TAS2R60: variants seen among roughly 807,000 people sequenced by gnomAD.
The protein encoded by TAS2R60 is taste 2 receptor member 60.
TAS2R60 carries 16 observed loss-of-function variants against 19.5 expected under a neutral mutation model. That is an observed-to-expected ratio of 0.82 (90% CI 0.55 to 1.24). The LOEUF is 1.24. Ranked by LOEUF, TAS2R60 falls within the 50% of genes most tolerant of loss-of-function variation. TAS2R60 has a pLI of 0.00. For synonymous variants in TAS2R60, 141 were observed against 143.3 expected, an observed-to-expected ratio of 0.98 and a Z score of 0.11; for missense variants, 362 against 382.7, an observed-to-expected ratio of 0.95 and a Z score of 0.45.
chr7:143,443,571 CT>C, the TAS2R60 span: 3 of 1,614,080 alleles, frequency 1.9e-6, no homozygotes, highest in Non-Finnish European at 2.5e-6. Flanking sequence ...TTCATCACTG[CT>C]GCTCTGGGCG....
In TAS2R60 at chr7:143,443,584, G is replaced by A; in HGVS notation, c.132G>A (p.Val44=). The part of the protein sequence containing the change: ...GNGFITAALG[V]EWVLRRMLLP... ...GCTTCATCACTGCTGCTCTGGGCGT[G>A]GAGTGGGTGCTACGGAGAATGTTGT... Residue 44 remains valine (V), a synonymous_variant, in exon 1 of 1, where the codon GTG becomes GTA. Transcript: ENST00000332690. 6.2e-7 allele frequency: 1 copy of A among 1,614,174 alleles called. No homozygotes were observed.
the TAS2R60 span, chr7:143,444,229 T>A: frequency 6.2e-7 from 1 of 1,614,076 alleles, no homozygotes; most frequent in African/African-American, 1.3e-5. Flanking sequence ...TCATCTCATA[T>A]TTCCTGTCAC....
At position 143,443,510 on chromosome 7, in the gene TAS2R60, T is replaced by C. The variant is rs1269165101; in HGVS notation, c.58T>C (p.Leu20=). 1 of 1,614,038 alleles carries C rather than the reference T, an allele frequency of 6.2e-7. No homozygotes were observed. Among genetic ancestry groups the C allele is most frequent in the Admixed American group, 1.7e-5 (1 of 60,014 alleles). The change falls in exon 1 of 1, where the codon TTG becomes CTG. Residue 20 remains leucine, a synonymous_variant. Coordinates refer to ENST00000332690, the MANE Select transcript of TAS2R60 (RefSeq NM_177437.1). ...GGTGACTGACAAGAAGGCCATCATCTTGGTTACCATTTTACTCCTTTTACG... is the reference window on the plus strand; with the variant it reads ...GGTGACTGACAAGAAGGCCATCATCCTGGTTACCATTTTACTCCTTTTACG... The part of the protein sequence containing the change: ...SSVTDKKAII[L]VTILLLLRLV...
chr7:143,444,043 A>G lies in TAS2R60; in HGVS notation c.591A>G (p.Leu197=), dbSNP rs1208895872. 5.0e-6 allele frequency: 8 copies of G among 1,614,084 alleles called. No individual in the cohort carries two copies. Among genetic ancestry groups the G allele is most frequent in the Non-Finnish European group, 6.8e-6 (8 of 1,180,046 alleles). The change falls in exon 1 of 1, where the codon CTA becomes CTG. Residue 197 remains leucine, a synonymous_variant. Coordinates refer to ENST00000332690, the MANE Select transcript of TAS2R60 (RefSeq NM_177437.1). ...GTGAGAAATTCTATCTCTTCCCTCT[A>G]AAAATGATTACTTGGACAATGCCCA... The part of the protein sequence containing the change: ...SYCEKFYLFP[L]KMITWTMPTA...
chr7:143,443,955 AG>A, the TAS2R60 span: 1 of 1,614,176 alleles, frequency 6.2e-7, no homozygotes, highest in Admixed American at 1.7e-5. Flanking sequence ...AGAATGTATC[AG>A]AACTATTTAA....
rs557957226 is a variant in TAS2R60, at chr7:143,443,997, G to A, written c.545G>A (p.Gly182Asp). Residue 182 changes from glycine (G) to aspartate (D), a missense_variant, in exon 1 of 1, where the codon GGC becomes GAC. Transcript: ENST00000332690. Reference sequence around the variant, plus strand: ...CATCTACAACCTTGGAATGTCACTGGCGATAGCATACGGAGCTACTGTGAG... The same window carrying A: ...CATCTACAACCTTGGAATGTCACTGACGATAGCATACGGAGCTACTGTGAG... ...RNHLQPWNVTGDSIRSYCEKF... is the reference protein window; with the variant it reads ...RNHLQPWNVTDDSIRSYCEKF... The A allele has an allele frequency of 1.2e-6, 2 of 1,614,148 alleles. No individual in the cohort carries two copies. Among genetic ancestry groups the A allele is most frequent in the African/African-American group, 1.3e-5 (1 of 75,032 alleles).
rs1806422927 is a variant in TAS2R60 at position 143,444,333 on chromosome 7, T to A, written c.881T>A (p.Ile294Asn). The part of the protein sequence containing the change: ...VIYLCAAVHP[I>N]ILLFSNCRLR... ...TATCTGTGTGCAGCAGTTCACCCCA[T>A]CATTCTGCTCTTCAGCAACTGCAGG... The change falls in exon 1 of 1, where the codon ATC becomes AAC. Residue 294 changes from isoleucine to asparagine, a missense_variant. Physicochemically the swap from Ile to Asn is moderately radical, Grantham distance 149. Coordinates refer to ENST00000332690, the MANE Select transcript of TAS2R60 (RefSeq NM_177437.1). 3 of 1,613,320 alleles carry A rather than the reference T, an allele frequency of 1.9e-6. No homozygotes were observed. In the South Asian group the frequency reaches 3.3e-5, roughly 18 times the overall value.
rs1275042356 is a variant in TAS2R60 at position 143,443,679 on chromosome 7, A to T, written c.227A>T (p.Lys76Met). ...TGTCTGCAGTCAGTGGTAATGGGTA[A>T]GACCATTTATGTTTTCTTGCATCCG... ...RFCLQSVVMG[K>M]TIYVFLHPMA... The change falls in exon 1 of 1, where the codon AAG becomes ATG. Residue 76 changes from lysine to methionine, a missense_variant. Physicochemically the swap from Lys to Met is moderately conservative, Grantham distance 95. Coordinates refer to ENST00000332690, the MANE Select transcript of TAS2R60 (RefSeq NM_177437.1). The T allele has an allele frequency of 6.2e-7, 1 of 1,614,120 alleles. No individual in the cohort carries two copies. The highest frequency in any genetic ancestry group is 8.5e-7 in the Non-Finnish European group (1 of 1,180,002).
chr7:143,444,079 T>C lies in TAS2R60; in HGVS notation c.627T>C (p.Phe209=), dbSNP rs761974777. 1 of 1,614,230 alleles carries C rather than the reference T, an allele frequency of 6.2e-7. No homozygotes were observed. The highest frequency in any genetic ancestry group is 2.2e-5 in the East Asian group (1 of 44,882). ...MITWTMPTAV[F]FICMILLITS... is the part of the protein sequence containing the mutation. ...CTTGGACAATGCCCACTGCTGTCTT[T>C]TTCATTTGCATGATTTTGCTCATCA... The change falls in exon 1 of 1, where the codon TTT becomes TTC. Residue 209 remains phenylalanine (F), a synonymous_variant. Coordinates refer to ENST00000332690, the MANE Select transcript of TAS2R60 (RefSeq NM_177437.1).
Position 143,443,545 on chromosome 7 carries a change from A to T in TAS2R60, c.93A>T (p.Ala31=), listed in dbSNP as rs1806399652. 6.2e-7 allele frequency: 1 copy of T among 1,614,076 alleles called. No homozygotes were observed. Among genetic ancestry groups the T allele is most frequent in the African/African-American group, 1.3e-5 (1 of 74,928 alleles). ...TTTTACTCCTTTTACGCCTGGTAGC[A>T]ATAGCAGGCAATGGCTTCATCACTG... The part of the protein sequence containing the change: ...VTILLLLRLV[A]IAGNGFITAA... Residue 31 remains alanine, a synonymous_variant, in exon 1 of 1, where the codon GCA becomes GCT. Transcript: ENST00000332690.
the TAS2R60 span, chr7:143,443,498 A>T: frequency 1.2e-6 from 2 of 1,613,818 alleles, no homozygotes; most frequent in Non-Finnish European, 1.7e-6. Context: ...GACTGACAAG[A>T]AGGCCATCAT....
rs377595209 is a variant in TAS2R60, at chr7:143,444,212, A to C, written c.760A>C (p.Met254Leu). Reference protein sequence around the residue: ...KALLALLSFAMLFISYFLSLV... With the variant: ...KALLALLSFALLFISYFLSLV... ...TCTGCTGGCTCTCCTCTCTTTTGCC[A>C]TGCTCTTCATCTCATATTTCCTGTC... The change falls in exon 1 of 1, where the codon ATG becomes CTG. Residue 254 changes from methionine (M) to leucine (L), a missense_variant. Physicochemically the swap from Met to Leu is conservative, Grantham distance 15. Coordinates refer to ENST00000332690, the MANE Select transcript of TAS2R60 (RefSeq NM_177437.1). 160 of 1,614,020 alleles carry C rather than the reference A, an allele frequency of 9.9e-5. No individual in the cohort carries two copies. Among genetic ancestry groups the C allele is most frequent in the Non-Finnish European group, 1.3e-4 (148 of 1,180,024 alleles).
chr7:143,443,690 G>GT, the TAS2R60 span: 1 of 1,614,148 alleles, frequency 6.2e-7, no homozygotes, highest in Non-Finnish European at 8.5e-7. Flanking sequence ...GACCATTTAT[G>GT]TTTTCTTGCA....
Position 143,444,346 on chromosome 7 carries a change from C to T in TAS2R60, c.894C>T (p.Phe298=). 6.8e-6 allele frequency: 11 copies of T among 1,612,460 alleles called. No individual in the cohort carries two copies. Among genetic ancestry groups the T allele is most frequent in the Non-Finnish European group, 9.3e-6 (11 of 1,180,004 alleles). ...CAGTTCACCCCATCATTCTGCTCTT[C>T]AGCAACTGCAGGCTGAGAGCTGTGC... ...CAAVHPIILL[F]SNCRLRAVLK... is the part of the protein sequence containing the mutation. The change falls in exon 1 of 1, where the codon TTC becomes TTT. Residue 298 remains phenylalanine, a synonymous_variant. Transcript: ENST00000332690.
Position 143,443,967 on chromosome 7 carries a change from G to A in TAS2R60, c.515G>A (p.Arg172Lys), listed in dbSNP as rs2116711076. Residue 172 changes from arginine (R) to lysine (K), a missense_variant, in exon 1 of 1, where the codon AGG (arginine) becomes AAG (lysine). Coordinates refer to ENST00000332690, the MANE Select transcript of TAS2R60 (RefSeq NM_177437.1). ...GNHRMYQNYL[R>K]NHLQPWNVTG... ...CACAGAATGTATCAGAACTATTTAA[G>A]GAACCATCTACAACCTTGGAATGTC... is the stretch of plus-strand genomic sequence containing the variant. 6.2e-7 allele frequency: 1 copy of A among 1,614,122 alleles called. No individual in the cohort carries two copies. Among genetic ancestry groups the A allele is most frequent in the Non-Finnish European group, 8.5e-7 (1 of 1,180,040 alleles).
Position 143,443,924 on chromosome 7 carries a change from C to T in TAS2R60, c.472C>T (p.Leu158=). ...AGGGCTCTCCAGCTTCACCACCATT[C>T]TATTTTTCATAGGCAACCACAGAAT... ...SVGLSSFTTI[L]FFIGNHRMYQ... The change falls in exon 1 of 1, where the codon CTA becomes TTA. Residue 158 remains leucine, a synonymous_variant. Coordinates refer to ENST00000332690, the MANE Select transcript of TAS2R60 (RefSeq NM_177437.1). 1 of 1,614,020 alleles carries T rather than the reference C, an allele frequency of 6.2e-7. No individual in the cohort carries two copies. The highest frequency in any genetic ancestry group is 8.5e-7 in the Non-Finnish European group (1 of 1,179,970).
At position 143,444,381 on chromosome 7, in the gene TAS2R60, G is replaced by A. The variant is rs144039157; in HGVS notation, c.929G>A (p.Arg310His). The A allele has an allele frequency of 2.9e-5, 46 of 1,608,420 alleles. No individual in the cohort carries two copies. Among genetic ancestry groups the A allele is most frequent in the African/African-American group, 2.0e-4 (15 of 74,976 alleles). ...AGGCTGAGAGCTGTGCTGAAGAGTC[G>A]TCGTTCCTCAAGGTGTGGGACACCT... is the stretch of plus-strand genomic sequence containing the variant. ...NCRLRAVLKS[R>H]RSSRCGTP The change falls in exon 1 of 1, where the codon CGT becomes CAT. Residue 310 changes from arginine (R) to histidine (H), a missense_variant. Coordinates refer to ENST00000332690, the MANE Select transcript of TAS2R60 (RefSeq NM_177437.1).
chr7:143,443,766 C>T lies in TAS2R60; in HGVS notation c.314C>T (p.Ala105Val), dbSNP rs752860886. The T allele has an allele frequency of 2.5e-6, 4 of 1,613,798 alleles. No individual in the cohort carries two copies. The highest frequency in any genetic ancestry group is 4.5e-5 in the East Asian group (2 of 44,894). The part of the protein sequence containing the change: ...FLAFQWDFLN[A>V]ATLWSSTWLS... ...GCTTTCCAGTGGGACTTCCTGAATG[C>T]TGCCACCTTATGGTCCTCTACCTGG... The change falls in exon 1 of 1, where the codon GCT becomes GTT. Residue 105 changes from alanine (A) to valine (V), a missense_variant. Ala to Val is a moderately conservative substitution (Grantham distance 64). Transcript: ENST00000332690.
chr7:143,443,999 G>C lies in TAS2R60; in HGVS notation c.547G>C (p.Asp183His), dbSNP rs767812355. The C allele has an allele frequency of 6.2e-7, 1 of 1,614,170 alleles. No individual in the cohort carries two copies. Among genetic ancestry groups the C allele is most frequent in the African/African-American group, 1.3e-5 (1 of 75,042 alleles). ...NHLQPWNVTG[D>H]SIRSYCEKFY... is the part of the protein sequence containing the mutation. ...TCTACAACCTTGGAATGTCACTGGC[G>C]ATAGCATACGGAGCTACTGTGAGAA... Residue 183 changes from aspartate to histidine, a missense_variant, in exon 1 of 1, where the codon GAT (aspartate) becomes CAT (histidine). Transcript: ENST00000332690.
Sources: allele counts gnomAD v4.1 joint callset, GRCh38; gene constraint gnomAD v4.1.1; transcripts MANE v1.5; gene names NCBI Gene and HGNC (gene_info 2026-07-23, HGNC 2026-07-21).